Variants in PIGL observed in about 807,000 individuals in gnomAD.
PIGL encodes N-acetylglucosaminyl-phosphatidylinositol de-N-acetylase.
PIGL carries 22 observed loss-of-function variants against 31.1 expected under a neutral mutation model. The ratio of observed to expected loss-of-function variants is 0.71; its 90% CI spans 0.51 to 1.01. The LOEUF (loss-of-function observed/expected upper bound fraction) is 1.01, where lower values mean the gene tolerates loss of function less well. PIGL is among the 50% of genes least tolerant of loss of function. The pLI is 0.00. For synonymous variants in PIGL, 131 were observed against 117.4 expected (o/e 1.12, Z -0.75); for missense variants, 302 against 315.9 (o/e 0.96, Z 0.33).
intron 1 of PIGL, among the ~76,000 whole-genome samples, chr17:16,222,104 T>C (rs1371064712): frequency 6.6e-6 from 1 of 152,124 alleles, no homozygotes; most frequent in African/African-American, 2.4e-5. Context: ...GGATTAAACA[T>C]TATCTATTCT....
At chr17:16,261,148 C>T (rs1388463585) in intron 2 of PIGL, among the ~76,000 whole-genome samples, 1 of 147,756 alleles carries the variant, frequency 6.8e-6, no homozygotes, top group Non-Finnish European at 1.5e-5. Context: ...AGCTGTAATA[C>T]AAATAGGGCT....
At chr17:16,272,673 A>G (rs1283725585) in intron 2 of PIGL, among the ~76,000 whole-genome samples, 2 of 152,156 alleles carry the variant, frequency 1.3e-5, no homozygotes, top group Non-Finnish European at 2.9e-5. Context: ...TATTTGTGAA[A>G]TCAGTAGGAA....
intron 3 of PIGL, among the ~76,000 whole-genome samples, chr17:16,310,741 G>T (rs912408465): frequency 1.2e-4 from 18 of 152,112 alleles, no homozygotes; most frequent in Non-Finnish European, 7.4e-5. Context: ...CGCCATGTTG[G>T]CCAGGCTGGT....
chr17:16,268,873 C>T (rs891469386), intron 2 of PIGL, among the ~76,000 whole-genome samples: 1 of 152,110 alleles, frequency 6.6e-6, no homozygotes, highest in African/African-American at 2.4e-5. Flanking sequence ...AGCAATTCTC[C>T]TGCCTCAGCC....
In PIGL at chr17:16,258,492, T is replaced by TTTTA. The variant is rs577163154; in HGVS notation, c.335+24446_335+24449dup. On this transcript the variant is annotated intron_variant, in intron 2 of 6. Coordinates refer to ENST00000225609, the MANE Select transcript of PIGL (RefSeq NM_004278.4). ...CTCACCTGGCCTCTTTTATTTTTAT[T>TTTTA]TTTATTTATTTATTTATTTATTTAT... Among the ~76,000 whole-genome samples the TTTTA allele has an allele frequency of 1.8e-3, 270 of 150,920 alleles. 3 individuals are homozygous for TTTTA. Among genetic ancestry groups the TTTTA allele is most frequent in the African/African-American group, 5.0e-3 (205 of 41,108 alleles).
At chr17:16,322,393 C>G (rs1408008924) in intron 6 of PIGL, among the ~76,000 whole-genome samples, 1 of 152,174 alleles carries the variant, frequency 6.6e-6, no homozygotes, top group Non-Finnish European at 1.5e-5. Context: ...CCGCACCCAG[C>G]CTGTTCTTCT....
chr17:16,253,250 G>A lies in PIGL; in HGVS notation c.335+19180G>A, dbSNP rs995401820. Among the ~76,000 whole-genome samples the A allele has an allele frequency of 4.6e-5, 7 of 151,882 alleles. 1 individual carries two copies. Among genetic ancestry groups the A allele is most frequent in the South Asian group, 4.2e-4 (2 of 4,808 alleles). ...GCCTGGACAACACGAGGGAAACTCC[G>A]TCTCAAAAAAACAAACAAACAACAA... On this transcript the variant is annotated intron_variant, in intron 2 of 6. Coordinates refer to ENST00000225609, the MANE Select transcript of PIGL (RefSeq NM_004278.4).
At chr17:16,309,095 A>G (rs2093037891) in intron 3 of PIGL, among the ~76,000 whole-genome samples, 1 of 151,972 alleles carries the variant, frequency 6.6e-6, no homozygotes, top group Non-Finnish European at 1.5e-5. Context: ...CCAGCCAAAC[A>G]TTTATTTTTT....
chr17:16,322,536 C>T (rs1294661725), intron 6 of PIGL, among the ~76,000 whole-genome samples: 1 of 151,998 alleles, frequency 6.6e-6, no homozygotes, highest in Non-Finnish European at 1.5e-5. Context: ...TGTAGTTCTC[C>T]TATTGTCATT....
intron 2 of PIGL, among the ~76,000 whole-genome samples, chr17:16,291,708 T>C (rs1323288168): frequency 6.6e-6 from 1 of 151,188 alleles, no homozygotes; most frequent in Admixed American, 6.6e-5. Context: ...TCTACGAAAG[T>C]ACAAAAATTA....
intron 2 of PIGL, among the ~76,000 whole-genome samples, chr17:16,241,659 A>G (rs1227947037): frequency 1.3e-5 from 2 of 152,138 alleles, no homozygotes; most frequent in Non-Finnish European, 2.9e-5. Context: ...GGAAAATAAA[A>G]CCACAAACTA....
intron 2 of PIGL, among the ~76,000 whole-genome samples, chr17:16,253,261 AC>A (rs1242394871): frequency 1.3e-5 from 2 of 152,206 alleles, no homozygotes; most frequent in East Asian, 1.9e-4. Flanking sequence ...TCTCAAAAAA[AC>A]AAACAAACAA....
chr17:16,267,973 G>T (rs918559736), intron 2 of PIGL, among the ~76,000 whole-genome samples: 2 of 152,156 alleles, frequency 1.3e-5, no homozygotes, highest in Non-Finnish European at 1.5e-5. Context: ...AGACTGGTAA[G>T]CAGAACAGAC....
intron 5 of PIGL, 187 bp from the exon 6 acceptor site, chr17:16,317,588 C>T: frequency 7.1e-7 from 1 of 1,400,016 alleles, no homozygotes; most frequent in Non-Finnish European, 9.3e-7. Flanking sequence ...CTTCTATGGC[C>T]CTTTTACTCG....
chr17:16,294,141 A>C (rs1426444170), intron 2 of PIGL, among the ~76,000 whole-genome samples: 1 of 152,228 alleles, frequency 6.6e-6, no homozygotes, highest in Non-Finnish European at 1.5e-5. Flanking sequence ...CTTATGACAC[A>C]GTCCTAGACT....
At chr17:16,290,744 G>A (rs931423615) in intron 2 of PIGL, among the ~76,000 whole-genome samples, 5 of 151,728 alleles carry the variant, frequency 3.3e-5, no homozygotes, top group African/African-American at 4.8e-5. Flanking sequence ...ACAGTGGTGC[G>A]ATCACAGCTC....
chr17:16,267,506 C>A (rs1258359205), intron 2 of PIGL, among the ~76,000 whole-genome samples: 2 of 151,934 alleles, frequency 1.3e-5, no homozygotes, highest in Non-Finnish European at 2.9e-5. Flanking sequence ...CAACTGTGGT[C>A]ATATTGTCGG....
chr17:16,217,554 G>A (rs912433077), intron 1 of PIGL, 93 bp downstream of exon 1: 37 of 1,002,700 alleles, frequency 3.7e-5, no homozygotes, highest in Non-Finnish European at 5.6e-5. Flanking sequence ...GAAGTTTTCC[G>A]TAGGGAGCTA....
chr17:16,323,598 G>A lies in PIGL; in HGVS notation c.661-2202G>A, dbSNP rs57728146. Among the ~76,000 whole-genome samples, 638 of 145,496 alleles carry A rather than the reference G, an allele frequency of 4.4e-3. 6 individuals are homozygous for A. Among genetic ancestry groups the A allele is most frequent in the African/African-American group, 0.015 (600 of 39,374 alleles). On this transcript the variant is annotated intron_variant, in intron 6 of 6. Transcript: ENST00000225609. ...ACTTTGTGGTCAGTGAATGGTTTTCGTAACACTGATCTTTTTTTTTTTTTT... is the reference window on the plus strand; with the variant it reads ...ACTTTGTGGTCAGTGAATGGTTTTCATAACACTGATCTTTTTTTTTTTTTT...
Sources: gnomAD v4.1 joint callset for allele counts (sites outside exome capture counted in the v4.1 genomes callset) on GRCh38, gnomAD v4.1.1 for gene constraint, MANE v1.5 for transcripts, NCBI Gene and HGNC (gene_info 2026-07-23, HGNC 2026-07-21) for gene names.